Variants in SDCBP2 observed in about 807,000 individuals in gnomAD.
SDCBP2 encodes syntenin-2.
In SDCBP2, 28 loss-of-function variants were observed where a neutral mutation model predicts 30.7. The observed-to-expected ratio is 0.91, with a 90% CI of 0.68 to 1.25. The LOEUF (loss-of-function observed/expected upper bound fraction) is 1.25. SDCBP2 is among the 50% of genes most tolerant of loss of function. SDCBP2 has a pLI of 0.00. For missense variants in SDCBP2, 399 were observed against 379.0 expected, an observed-to-expected ratio of 1.05 and a Z score of -0.44; for synonymous variants, 166 against 157.3, an observed-to-expected ratio of 1.06 and a Z score of -0.41.
chr20:1,319,161 T>C (rs1480099448), intron 3 of SDCBP2, among the ~76,000 whole-genome samples: 1 of 152,204 alleles, frequency 6.6e-6, no homozygotes, highest in Non-Finnish European at 1.5e-5. Flanking sequence ...TGGTATTTCA[T>C]TCCCGGGGTC....
In SDCBP2 at chr20:1,321,796, C is replaced by T. The variant is rs762614745; in HGVS notation, c.-19-1361G>A. On this transcript the variant is annotated intron_variant, in intron 1 of 8. Transcript: ENST00000360779. This position sits in a 1 kb window ranked among gnomAD's most constrained non-coding sequence, Gnocchi z 5.2. ...ATTTGACCTTGTGGAGTACTGTAAA[C>T]GTTCAGATTAGCAGCTTAAACACAA... is the stretch of plus-strand genomic sequence containing the variant. The T allele has an allele frequency of 1.3e-5, 2 of 152,198 alleles. No homozygotes were observed. Among genetic ancestry groups the T allele is most frequent in the Non-Finnish European group, 2.9e-5 (2 of 68,034 alleles). 9.4% of individuals were successfully genotyped at this position (152,198 alleles called of 1,614,324 possible).
chr20:1,310,759 A>AGAGGAGGGGT lies in SDCBP2; in HGVS notation c.824+31_824+40dup, dbSNP rs377546461. 3.3e-4 allele frequency: 514 copies of AGAGGAGGGGT among 1,536,814 alleles called. 2 individuals carry two copies. Among genetic ancestry groups the AGAGGAGGGGT allele is most frequent in the Admixed American group, 1.5e-3 (90 of 58,704 alleles). On this transcript the variant is annotated intron_variant, in intron 8 of 8. Transcript: ENST00000360779. ...GAGGCCGGGAGGTGAAGGGGATGGCAGAGGAGGGGTGAGGAGGGGTGAGGA... is the reference window on the plus strand; with the variant it reads ...GAGGCCGGGAGGTGAAGGGGATGGCAGAGGAGGGGTGAGGAGGGGTGAGGAGGGGTGAGGA...
At chr20:1,316,785 A>G (rs1402833089) in intron 4 of SDCBP2, among the ~76,000 whole-genome samples, 1 of 152,224 alleles carries the variant, frequency 6.6e-6, no homozygotes, top group Non-Finnish European at 1.5e-5. Flanking sequence ...GTATGTCTAT[A>G]CAAAAACCTG....
chr20:1,327,426 A>G (rs1339620078), intron 1 of SDCBP2, among the ~76,000 whole-genome samples: 3 of 152,158 alleles, frequency 2.0e-5, no homozygotes, highest in Non-Finnish European at 4.4e-5. Flanking sequence ...CGTGGGTTAG[A>G]GTGTCAGAGG....
At chr20:1,318,294 A>G in intron 4 of SDCBP2, 24 bp downstream of exon 4, 1 of 1,523,686 alleles carries the variant, frequency 6.6e-7, no homozygotes, top group Non-Finnish European at 9.1e-7. Flanking sequence ...CTGCGCCCGC[A>G]GCAGGCAGAA....
chr20:1,316,796 T>C (rs1407356198), intron 4 of SDCBP2, among the ~76,000 whole-genome samples: 1 of 152,230 alleles, frequency 6.6e-6, no homozygotes, highest in African/African-American at 2.4e-5. Context: ...CAAAAACCTG[T>C]ATAAGAATAA....
At position 1,320,237 on chromosome 20, in the gene SDCBP2, G is replaced by A; in HGVS notation, c.54+126C>T. The A allele has an allele frequency of 1.3e-6, 1 of 782,658 alleles. No individual in the cohort carries two copies. Among genetic ancestry groups the A allele is most frequent in the South Asian group, 1.7e-5 (1 of 58,324 alleles). The allele number at this position is 782,658 out of a possible 1,614,324, so 48.5% of individuals were successfully genotyped here. ...ATGTCTTCTCTGCCCAGCAGGCCCT[G>A]CAGTGGACACCTACATGCCCTGAGG... is the stretch of plus-strand genomic sequence containing the variant. On this transcript the variant is annotated intron_variant, in intron 2 of 8. Transcript: ENST00000360779. This position sits in a 1 kb window ranked among gnomAD's most constrained non-coding sequence, Gnocchi z 4.7.
At chr20:1,316,101 C>CA (rs1359736663) in intron 4 of SDCBP2, among the ~76,000 whole-genome samples, 4 of 151,692 alleles carry the variant, frequency 2.6e-5, no homozygotes, top group Non-Finnish European at 5.9e-5. Flanking sequence ...GACCCTGTCT[C>CA]AAAAAACAAG....
At chr20:1,327,431 C>T (rs902116613) in intron 1 of SDCBP2, among the ~76,000 whole-genome samples, 3 of 152,304 alleles carry the variant, frequency 2.0e-5, no homozygotes, top group Admixed American at 6.5e-5. Context: ...GTTAGAGTGT[C>T]AGAGGAATAG....
rs79917918 is a variant in SDCBP2 at position 1,321,294 on chromosome 20, C to T, written c.-19-859G>A. The stretch of plus-strand genomic sequence containing the variant: ...GCACAGGAAACTGAGGGTCCTGTGC[C>T]TGAGCGATGTGACTCCAGGCTTCCC... On this transcript the variant is annotated intron_variant, in intron 1 of 8. Coordinates refer to ENST00000360779, the MANE Select transcript of SDCBP2 (RefSeq NM_080489.5). This position sits in a 1 kb window ranked among gnomAD's most constrained non-coding sequence, Gnocchi z 5.2. The T allele has an allele frequency of 2.6e-5, 4 of 152,286 alleles. No homozygotes were observed. Among genetic ancestry groups the T allele is most frequent in the African/African-American group, 9.7e-5 (4 of 41,418 alleles). The allele number at this position is 152,286 out of a possible 1,614,324, so 9.4% of individuals were successfully genotyped here.
intron 4 of SDCBP2, among the ~76,000 whole-genome samples, chr20:1,314,977 G>A (rs1239743536): frequency 6.6e-6 from 1 of 152,156 alleles, no homozygotes; most frequent in Non-Finnish European, 1.5e-5. Flanking sequence ...ATCTCTACAA[G>A]ATGTTTTGCA....
chr20:1,325,038 C>G (rs2088899628), intron 1 of SDCBP2, among the ~76,000 whole-genome samples: 1 of 152,190 alleles, frequency 6.6e-6, no homozygotes, highest in Non-Finnish European at 1.5e-5. Flanking sequence ...ATCACCTGGG[C>G]TGCAGCCTCA....
intron 1 of SDCBP2, among the ~76,000 whole-genome samples, chr20:1,326,229 G>A (rs944681986): frequency 1.3e-5 from 2 of 152,178 alleles, no homozygotes; most frequent in Admixed American, 1.3e-4. Context: ...ATCCAAACTG[G>A]ACTCGTGATT....
At chr20:1,314,613 C>T (rs535855282) in intron 4 of SDCBP2, among the ~76,000 whole-genome samples, 1 of 133,894 alleles carries the variant, frequency 7.5e-6, no homozygotes, top group South Asian at 2.4e-4. Flanking sequence ...AAAAAAGAGG[C>T]CGAGCTCAGT....
chr20:1,312,088 AAG>A (rs1157294309), intron 7 of SDCBP2, among the ~76,000 whole-genome samples: 1 of 147,498 alleles, frequency 6.8e-6, no homozygotes, highest in African/African-American at 2.5e-5. Flanking sequence ...TTTTTGTGGA[AAG>A]AGGGTTTCAC....
rs941341034 is a variant in SDCBP2 at position 1,324,674 on chromosome 20, T to G, written c.-19-4239A>C. ...AGGTTGGTTGTGGGGAGTTACACTT[T>G]GCTCACCATTCTGGAAAATCGCTGC... On this transcript the variant is annotated intron_variant, in intron 1 of 8. Coordinates refer to ENST00000360779, the MANE Select transcript of SDCBP2 (RefSeq NM_080489.5). The surrounding 1 kb of genome is among the most constrained non-coding windows in gnomAD (Gnocchi z 4.7). Among the ~76,000 whole-genome samples the G allele has an allele frequency of 6.6e-6, 1 of 152,230 alleles. No homozygotes were observed. Among genetic ancestry groups the G allele is most frequent in the African/African-American group, 2.4e-5 (1 of 41,466 alleles).
intron 3 of SDCBP2, among the ~76,000 whole-genome samples, chr20:1,319,224 A>G (rs556456608): frequency 2.6e-4 from 40 of 152,322 alleles, no homozygotes; most frequent in African/African-American, 9.1e-4. Context: ...GAGGTGACTC[A>G]AATCGTTTAT....
At chr20:1,325,387 G>C (rs1402531468) in intron 1 of SDCBP2, 2 of 152,064 alleles carry the variant, frequency 1.3e-5, no homozygotes, top group Non-Finnish European at 2.9e-5. Flanking sequence ...CCCGGGCGCG[G>C]TTAGGGGTGA....
Position 1,313,147 on chromosome 20 carries a change from G to T in SDCBP2, c.384+193C>A. 1.6e-6 allele frequency: 1 copy of T among 640,366 alleles called. No individual in the cohort carries two copies. The highest frequency in any genetic ancestry group is 2.7e-6 in the Non-Finnish European group (1 of 372,830). The allele number at this position is 640,366 out of a possible 1,614,324, so 39.7% of individuals were successfully genotyped here. A position where few individuals can be genotyped will look rare whatever the true frequency, so the allele number is the denominator to read the frequency against. ...GGAAGCCCACGGAGAGGCCAGTGGA[G>T]GGCCCTGCGCAACCCAGCACCAGCC... On this transcript the variant is annotated intron_variant, in intron 5 of 8. Coordinates refer to ENST00000360779, the MANE Select transcript of SDCBP2 (RefSeq NM_080489.5). This position sits in a 1 kb window ranked among gnomAD's most constrained non-coding sequence, Gnocchi z 5.2.
Sources: allele counts gnomAD v4.1 joint callset (sites outside exome capture counted in the v4.1 genomes callset), GRCh38; gene constraint gnomAD v4.1.1; non-coding constraint Gnocchi (gnomAD v3.1); transcripts MANE v1.5; gene names NCBI Gene and HGNC (gene_info 2026-07-23, HGNC 2026-07-21).